The following IQCM variants were observed in gnomAD, a reference collection of about 807,000 sequenced individuals.
IQCM encodes IQ domain-containing protein M.
A neutral mutation model predicts 57.6 loss-of-function variants in IQCM; 45 were observed. The observed-to-expected ratio is 0.78, with a 90% CI of 0.62 to 1.00. IQCM has a LOEUF of 1.00. IQCM is among the 50% of genes least tolerant of loss of function. The pLI, the probability that IQCM is intolerant of heterozygous loss-of-function variation, is 0.00. For missense variants in IQCM, 468 were observed against 511.6 expected, an observed-to-expected ratio of 0.91 and a Z score of 0.82; for synonymous variants, 148 against 158.9, an observed-to-expected ratio of 0.93 and a Z score of 0.51.
chr4:149,556,875 T>C (rs1216154326), intron 10 of IQCM, among the ~76,000 whole-genome samples: 1 of 152,194 alleles, frequency 6.6e-6, no homozygotes, highest in African/African-American at 2.4e-5. Flanking sequence ...TGTGTCACTG[T>C]TGCTTGCTGT....
At chr4:149,430,092 C>T (rs976087193) in intron 13 of IQCM, 236 of 957,376 alleles carry the variant, frequency 2.5e-4, no homozygotes, top group Non-Finnish European at 2.9e-4. Context: ...AAACTTTCAA[C>T]TTAAGTTATT....
intron 8 of IQCM, among the ~76,000 whole-genome samples, chr4:149,596,111 G>C (rs973630253): frequency 1.3e-5 from 2 of 152,122 alleles, no homozygotes; most frequent in Admixed American, 6.6e-5. Flanking sequence ...TTTAAGCTAA[G>C]TGTAGGAGGC....
At chr4:149,403,053 T>C (rs1326193976) in intron 13 of IQCM, among the ~76,000 whole-genome samples, 2 of 151,980 alleles carry the variant, frequency 1.3e-5, no homozygotes, top group African/African-American at 4.8e-5. Flanking sequence ...TCAGATGTCA[T>C]TCGTATTTAA....
At chr4:149,633,929 C>A (rs990315135) in intron 7 of IQCM, among the ~76,000 whole-genome samples, 1 of 152,130 alleles carries the variant, frequency 6.6e-6, no homozygotes, top group Non-Finnish European at 1.5e-5. Context: ...TATGTGATAA[C>A]AAAGATAACC....
At chr4:149,652,912 G>T (rs906887652) in intron 7 of IQCM, among the ~76,000 whole-genome samples, 4 of 152,126 alleles carry the variant, frequency 2.6e-5, no homozygotes, top group African/African-American at 9.7e-5. Context: ...ACAGTAGGAT[G>T]CTCACCAAAA....
chr4:149,602,255 G>A (rs1454469372), intron 8 of IQCM, among the ~76,000 whole-genome samples: 1 of 152,012 alleles, frequency 6.6e-6, no homozygotes, highest in Admixed American at 6.6e-5. Context: ...TTTACATAAG[G>A]AATTTGAACA....
intron 2 of IQCM, among the ~76,000 whole-genome samples, chr4:149,757,515 A>G (rs1421190781): frequency 6.6e-6 from 1 of 152,122 alleles, no homozygotes; most frequent in East Asian, 1.9e-4. Flanking sequence ...AGAAATAATA[A>G]CAAAAAAATT....
At chr4:149,495,983 G>A (rs1742615674) in intron 12 of IQCM, among the ~76,000 whole-genome samples, 1 of 152,100 alleles carries the variant, frequency 6.6e-6, no homozygotes, top group Non-Finnish European at 1.5e-5. Flanking sequence ...TTAGAGGGAA[G>A]ATATTTAGCT....
intron 12 of IQCM, among the ~76,000 whole-genome samples, chr4:149,542,613 G>T (rs6844299): frequency 0.55 from 82,723 of 151,736 alleles, 22,817 homozygotes; most frequent in African/African-American, 0.58. Flanking sequence ...TATGATAATC[G>T]AAAGGGATGA....
intron 12 of IQCM, among the ~76,000 whole-genome samples, chr4:149,490,696 A>G (rs978613211): frequency 1.3e-5 from 2 of 152,102 alleles, no homozygotes; most frequent in African/African-American, 4.8e-5. Flanking sequence ...GAGGACTCAT[A>G]TGTATAACAG....
At chr4:149,503,183 T>G (rs937224041) in intron 12 of IQCM, among the ~76,000 whole-genome samples, 7 of 152,174 alleles carry the variant, frequency 4.6e-5, no homozygotes, top group Non-Finnish European at 1.0e-4. Flanking sequence ...ATCATGCCAC[T>G]GCACTTCAGC....
chr4:149,593,005 T>C (rs1753359549), intron 8 of IQCM, among the ~76,000 whole-genome samples: 3 of 152,180 alleles, frequency 2.0e-5, no homozygotes, highest in African/African-American at 7.2e-5. Flanking sequence ...AAGTCATTGG[T>C]AGCTTGATGG....
chr4:149,747,708 T>A (rs1316993810), intron 2 of IQCM, among the ~76,000 whole-genome samples: 1 of 152,180 alleles, frequency 6.6e-6, no homozygotes, highest in Non-Finnish European at 1.5e-5. Flanking sequence ...GAAGATACTC[T>A]ATGAATTTAT....
intron 13 of IQCM, among the ~76,000 whole-genome samples, chr4:149,360,822 G>T (rs1729425848): frequency 1.3e-5 from 2 of 152,116 alleles, no homozygotes; most frequent in Non-Finnish European, 2.9e-5. Context: ...CAATAAATTG[G>T]TACCAGCAGA....
chr4:149,420,586 T>G (rs1228794163), intron 13 of IQCM, among the ~76,000 whole-genome samples: 1 of 151,948 alleles, frequency 6.6e-6, no homozygotes, highest in Admixed American at 6.6e-5. Context: ...GCACACATTT[T>G]CCTGTGTAAC....
chr4:149,413,288 G>T (rs1733513770), intron 13 of IQCM, among the ~76,000 whole-genome samples: 1 of 152,188 alleles, frequency 6.6e-6, no homozygotes, highest in South Asian at 2.1e-4. Context: ...CTGTTAAAGA[G>T]ACTAACTCAG....
chr4:149,621,238 G>T lies in IQCM; in HGVS notation c.572C>A (p.Ala191Glu). 8.2e-7 allele frequency: 1 copy of T among 1,226,794 alleles called. No individual in the cohort carries two copies. Among genetic ancestry groups the T allele is most frequent in the Non-Finnish European group, 1.0e-6 (1 of 983,114 alleles). The allele number at this position is 1,226,794 out of a possible 1,614,324, so 76.0% of individuals were successfully genotyped here. Residue 191 changes from alanine (A) to glutamate (E), a missense_variant, in exon 8 of 14, where the codon GCA (alanine) becomes GAA (glutamate). Physicochemically the swap from Ala to Glu is moderately radical, Grantham distance 107 (BLOSUM62 -1). Transcript: ENST00000636793. ...NLELLKEPDK[A>E]FYDWRGFVLT... is the part of the protein sequence containing the mutation. ...CACAAATCCTCTCCAGTCATAGAATGCTTTGTCTGTTAGAAATATCAATGC... is the reference window on the plus strand; with the variant it reads ...CACAAATCCTCTCCAGTCATAGAATTCTTTGTCTGTTAGAAATATCAATGC...
chr4:149,681,042 C>T (rs1762136661), intron 7 of IQCM, among the ~76,000 whole-genome samples: 1 of 151,208 alleles, frequency 6.6e-6, no homozygotes, highest in East Asian at 1.9e-4. Context: ...AAGACTGAGG[C>T]GTTCATAAAC....
At chr4:149,612,826 T>C (rs1038236422) in intron 8 of IQCM, among the ~76,000 whole-genome samples, 3 of 152,030 alleles carry the variant, frequency 2.0e-5, no homozygotes, top group African/African-American at 7.2e-5. Flanking sequence ...TTAAAGATAA[T>C]GTACAACCTT....
Sources: allele counts gnomAD v4.1 joint callset (sites outside exome capture counted in the v4.1 genomes callset), GRCh38; gene constraint gnomAD v4.1.1; transcripts MANE v1.5; gene names NCBI Gene and HGNC (gene_info 2026-07-23, HGNC 2026-07-21).